The following RNF150 variants were observed in gnomAD, a reference collection of about 807,000 sequenced individuals.
RNF150 encodes ring finger protein 150.
RNF150 carries 24 observed loss-of-function variants against 39.3 expected under a neutral mutation model. That is an observed-to-expected ratio of 0.61 (90% CI 0.44 to 0.86). The LOEUF (loss-of-function observed/expected upper bound fraction) is 0.86, where lower values mean the gene tolerates loss of function less well. Among genes scored for constraint, RNF150 ranks in the 40% least tolerant of loss-of-function variants. RNF150 has a pLI of 0.00. For synonymous variants in RNF150, 255 were observed against 227.3 expected (o/e 1.12, Z -1.10); for missense variants, 502 against 587.8 (o/e 0.85, Z 1.51).
intron 1 of RNF150, among the ~76,000 whole-genome samples, chr4:141,148,022 C>T (rs2111135707): frequency 6.6e-6 from 1 of 152,188 alleles, no homozygotes; most frequent in South Asian, 2.1e-4. Context: ...TTTCTTGTGT[C>T]TTTCCTTAAT....
chr4:140,953,704 GA>G (rs1051197653), intron 2 of RNF150, among the ~76,000 whole-genome samples: 3 of 150,788 alleles, frequency 2.0e-5, no homozygotes, highest in East Asian at 1.9e-4. Flanking sequence ...ATTACACAAA[GA>G]AAAAAAGTAC....
intron 1 of RNF150, among the ~76,000 whole-genome samples, chr4:141,086,698 T>TTG (rs1738378979): frequency 6.6e-6 from 1 of 151,628 alleles, no homozygotes; most frequent in Non-Finnish European, 1.5e-5. Context: ...CACAGAATTC[T>TTG]TCAGGTATTG....
chr4:141,132,997 C>T lies in RNF150; in HGVS notation c.-189G>A. 1 of 543,050 alleles carries T rather than the reference C, an allele frequency of 1.8e-6. No individual in the cohort carries two copies. Among genetic ancestry groups the T allele is most frequent in the Non-Finnish European group, 3.2e-6 (1 of 313,698 alleles). The allele number at this position is 543,050 out of a possible 1,614,324, so 33.6% of individuals were successfully genotyped here. ...TCCGGGCGAGCGGATGGCGCTGGCC[C>T]CTTCCCCTCTCAGCTGTAGCGCGGT... On this transcript the variant is annotated 5_prime_UTR_variant, in exon 1 of 7. Coordinates refer to ENST00000515673, the MANE Select transcript of RNF150 (RefSeq NM_020724.2). The surrounding 1 kb of genome is among the most constrained non-coding windows in gnomAD (Gnocchi z 4.9).
intron 1 of RNF150, among the ~76,000 whole-genome samples, chr4:141,102,522 G>A (rs891610119): frequency 4.6e-5 from 7 of 152,152 alleles, no homozygotes; most frequent in African/African-American, 1.7e-4. Flanking sequence ...GGAAGATAAT[G>A]TCACATTCAC....
At position 140,978,413 on chromosome 4, in the gene RNF150, A is replaced by T. The variant is rs867254991; in HGVS notation, c.485-10540T>A. Among the ~76,000 whole-genome samples, 14 of 152,332 alleles carry T rather than the reference A, an allele frequency of 9.2e-5. No homozygotes were observed. The South Asian group carries it at 2.7e-3, about 29-fold the overall frequency. Reference sequence around the variant, plus strand: ...TTTCCTTAGAATGGCTCTAGTAACAATTATCTCACTGATGTCAATTCCTCA... The same window carrying T: ...TTTCCTTAGAATGGCTCTAGTAACATTTATCTCACTGATGTCAATTCCTCA... On this transcript the variant is annotated intron_variant, in intron 1 of 6. Transcript: ENST00000515673.
chr4:140,946,537 A>C (rs1312782369), intron 4 of RNF150, among the ~76,000 whole-genome samples: 1 of 151,734 alleles, frequency 6.6e-6, no homozygotes, highest in Non-Finnish European at 1.5e-5. Flanking sequence ...TGATCACTGG[A>C]GTGTAGTGGC....
At chr4:141,152,739 T>A (rs1727322158) in intron 1 of RNF150, among the ~76,000 whole-genome samples, 1 of 152,230 alleles carries the variant, frequency 6.6e-6, no homozygotes, top group African/African-American at 2.4e-5. Flanking sequence ...GTGTGCAATC[T>A]ATTTTTTTGT....
In RNF150 at chr4:140,860,441, A is replaced by G. The variant is rs1243108071; in HGVS notation, c.*7820T>C. On this transcript the variant is annotated 3_prime_UTR_variant, in exon 7 of 7. Coordinates refer to ENST00000515673, the MANE Select transcript of RNF150 (RefSeq NM_020724.2). ...TTTTTGTGATTTTGGGTCAGATGCT[A>G]TATAAATCAAGGAAGCTCAGTCACA... 1 of 152,174 alleles carries G rather than the reference A, an allele frequency of 6.6e-6. No homozygotes were observed. Among genetic ancestry groups the G allele is most frequent in the Non-Finnish European group, 1.5e-5 (1 of 68,030 alleles). The allele number at this position is 152,174 out of a possible 1,614,324, so 9.4% of individuals were successfully genotyped here.
chr4:141,090,893 AT>A (rs1738555998), intron 1 of RNF150, among the ~76,000 whole-genome samples: 1 of 152,126 alleles, frequency 6.6e-6, no homozygotes, highest in Non-Finnish European at 1.5e-5. Context: ...TAATTTGAAA[AT>A]TTTAAATAAA....
chr4:141,003,566 TACAC>T (rs70946725), intron 1 of RNF150, among the ~76,000 whole-genome samples: 25,799 of 142,268 alleles, frequency 0.18, 2,472 homozygotes, highest in Middle Eastern at 0.29. Context: ...CCCTAGCACG[TACAC>T]ACACACACAC....
chr4:141,135,516 G>C (rs1461788886), upstream of RNF150, among the ~76,000 whole-genome samples: 1 of 152,196 alleles, frequency 6.6e-6, no homozygotes, highest in Non-Finnish European at 1.5e-5. Flanking sequence ...TAAAATAAAT[G>C]ATCCTAGTAA....
At position 141,132,858 on chromosome 4, in the gene RNF150, G is replaced by C. The variant is rs1333411440; in HGVS notation, c.-50C>G. The C allele has an allele frequency of 4.7e-6, 7 of 1,489,214 alleles. No individual in the cohort carries two copies. In the East Asian group the frequency reaches 1.4e-4, roughly 30 times the overall value. The allele number at this position is 1,489,214 out of a possible 1,614,324, so 92.3% of individuals were successfully genotyped here. A position where few individuals can be genotyped will look rare whatever the true frequency, so the allele number is the denominator to read the frequency against. On this transcript the variant is annotated 5_prime_UTR_variant, in exon 1 of 7. Transcript: ENST00000515673. This position sits in a 1 kb window ranked among gnomAD's most constrained non-coding sequence, Gnocchi z 4.9. ...CGCCCCCGCGCCCTCCCTCCGTCCC[G>C]TCCCTCCTCCCCAGCCCCGGCCAAC...
chr4:141,074,380 C>A (rs1381487767), intron 1 of RNF150, among the ~76,000 whole-genome samples: 2 of 151,064 alleles, frequency 1.3e-5, no homozygotes, highest in Admixed American at 6.6e-5. Context: ...TTCCAGAATT[C>A]TTCTTGACAG....
intron 5 of RNF150, among the ~76,000 whole-genome samples, chr4:140,916,340 A>G (rs1432466591): frequency 3.9e-5 from 6 of 152,250 alleles, no homozygotes; most frequent in Non-Finnish European, 7.3e-5. Context: ...CAATGCAGAG[A>G]AGTCCTTACA....
intron 1 of RNF150, among the ~76,000 whole-genome samples, chr4:141,189,547 CT>C (rs1728069527): frequency 6.6e-6 from 1 of 152,176 alleles, no homozygotes; most frequent in Non-Finnish European, 1.5e-5. Context: ...AGAGTTTTAT[CT>C]ATAAGCCTCT....
intron 5 of RNF150, among the ~76,000 whole-genome samples, chr4:140,915,142 C>T (rs1730766696): frequency 6.6e-6 from 1 of 152,080 alleles, no homozygotes; most frequent in African/African-American, 2.4e-5. Flanking sequence ...ATTTATTGAG[C>T]CCTTAGCATA....
At chr4:141,074,066 A>AAT (rs752913612) in intron 1 of RNF150, among the ~76,000 whole-genome samples, 1 of 152,142 alleles carries the variant, frequency 6.6e-6, no homozygotes, top group African/African-American at 2.4e-5. Flanking sequence ...AGGTATAACC[A>AAT]ATATATATGG....
intron 1 of RNF150, among the ~76,000 whole-genome samples, chr4:141,021,029 G>A (rs995860530): frequency 2.0e-5 from 3 of 152,156 alleles, no homozygotes; most frequent in African/African-American, 7.2e-5. Flanking sequence ...ACATGGGAAT[G>A]TAAGAATTTA....
chr4:141,041,815 G>A (rs998715970), intron 1 of RNF150, among the ~76,000 whole-genome samples: 4 of 151,996 alleles, frequency 2.6e-5, no homozygotes, highest in African/African-American at 9.7e-5. Flanking sequence ...AGTAATATAT[G>A]GGATCAAGCC....
Sources: gnomAD v4.1 joint callset for allele counts (sites outside exome capture counted in the v4.1 genomes callset) on GRCh38, gnomAD v4.1.1 for gene constraint, Gnocchi (gnomAD v3.1) non-coding constraint, MANE v1.5 for transcripts, NCBI Gene and HGNC (gene_info 2026-07-23, HGNC 2026-07-21) for gene names.